Variants in CALN1 observed in about 807,000 individuals in gnomAD.
The protein encoded by CALN1 is calneuron 1, also known as calcium-binding protein 8.
A neutral mutation model predicts 30.6 loss-of-function variants in CALN1; 17 were observed. The ratio of observed to expected loss-of-function variants is 0.56; its 90% CI spans 0.38 to 0.83. The LOEUF is 0.83. CALN1 is among the 40% of genes least tolerant of loss of function. CALN1 has a pLI of 0.00. For missense variants in CALN1, 291 were observed against 354.9 expected (o/e 0.82, Z 1.45); for synonymous variants, 156 against 131.4 (o/e 1.19, Z -1.28).
intron 2 of CALN1, among the ~76,000 whole-genome samples, chr7:72,398,776 C>T (rs1806140517): frequency 6.6e-6 from 1 of 152,222 alleles, no homozygotes; most frequent in Non-Finnish European, 1.5e-5. Context: ...TTGCTCCAAC[C>T]AAAGTGGGTC....
chr7:72,055,502 CA>C (rs915803742), intron 4 of CALN1, among the ~76,000 whole-genome samples: 5 of 150,330 alleles, frequency 3.3e-5, no homozygotes, highest in African/African-American at 1.2e-4. Flanking sequence ...ATCATCGTTG[CA>C]AAAAAAAGAG....
Position 72,314,366 on chromosome 7 carries a change from C to T in CALN1, c.120-35556G>A, listed in dbSNP as rs11767905. Among the ~76,000 whole-genome samples, 21 of 81,842 alleles carry T rather than the reference C, an allele frequency of 2.6e-4. 1 individual carries two copies. The highest frequency in any genetic ancestry group is 5.5e-4 in the African/African-American group (20 of 36,430). 53.7% of individuals were successfully genotyped at this position (81,842 alleles called of 152,430 possible). On this transcript the variant is annotated intron_variant, in intron 2 of 6. Transcript: ENST00000395275. Reference sequence around the variant, plus strand: ...ATATATATACATATATATACATATACATATATACACATATATACACATATA... The same window carrying T: ...ATATATATACATATATATACATATATATATATACACATATATACACATATA...
intron 3 of CALN1, among the ~76,000 whole-genome samples, chr7:72,173,650 C>A (rs989810180): frequency 2.0e-5 from 3 of 152,024 alleles, no homozygotes; most frequent in African/African-American, 7.2e-5. Flanking sequence ...GGATATTTTA[C>A]AAAGGTGCTA....
At chr7:72,109,842 G>A (rs1807436667) in intron 3 of CALN1, among the ~76,000 whole-genome samples, 1 of 152,110 alleles carries the variant, frequency 6.6e-6, no homozygotes, top group Non-Finnish European at 1.5e-5. Context: ...GCAAGCTGGT[G>A]CAGCCTTCCC....
At chr7:72,195,866 AT>A (rs1313941483) in intron 3 of CALN1, among the ~76,000 whole-genome samples, 2 of 152,202 alleles carry the variant, frequency 1.3e-5, no homozygotes, top group African/African-American at 4.8e-5. Context: ...TAAACAAAAT[AT>A]TGGTATATCT....
chr7:72,500,269 CTTTTTTTTTTTTT>C, the CALN1 span, among the ~76,000 whole-genome samples: 35 of 51,394 alleles, frequency 6.8e-4, no homozygotes, highest in African/African-American at 1.8e-3. Flanking sequence ...TTCGTTCCTT[CTTTTTTTTTTTTT>C]TTTTTTTTTT....
chr7:71,837,450 G>A (rs1789689907), intron 5 of CALN1, among the ~76,000 whole-genome samples: 1 of 152,080 alleles, frequency 6.6e-6, no homozygotes, highest in Non-Finnish European at 1.5e-5. Flanking sequence ...ACCCTTCTGG[G>A]ACAATCCTTG....
intron 5 of CALN1, among the ~76,000 whole-genome samples, chr7:71,959,882 C>T (rs544754239): frequency 5.9e-5 from 9 of 152,112 alleles, no homozygotes; most frequent in African/African-American, 2.2e-4. Flanking sequence ...GCCTGTAATC[C>T]CAGCACTTTG....
At chr7:71,965,313 G>T (rs563503749) in intron 5 of CALN1, among the ~76,000 whole-genome samples, 8 of 152,140 alleles carry the variant, frequency 5.3e-5, no homozygotes, top group African/African-American at 4.8e-5. Flanking sequence ...TGACAGGTGT[G>T]AGCCACCATG....
At chr7:72,257,177 C>A (rs552497897) in intron 3 of CALN1, among the ~76,000 whole-genome samples, 1 of 152,276 alleles carries the variant, frequency 6.6e-6, no homozygotes. Context: ...CATCAAATCT[C>A]GTGAGAACTC....
At chr7:72,501,928 A>AAAATATATATATATATAT in the CALN1 span, among the ~76,000 whole-genome samples, 1 of 57,968 alleles carries the variant, frequency 1.7e-5, no homozygotes, top group Non-Finnish European at 3.1e-5. Context: ...AAAAAAAAAA[A>AAAATATATATATATATAT]ATATATATAT....
chr7:72,308,062 G>A (rs1042346694), intron 2 of CALN1, among the ~76,000 whole-genome samples: 6 of 152,060 alleles, frequency 3.9e-5, no homozygotes, highest in South Asian at 2.1e-4. Flanking sequence ...TAAACAAAAC[G>A]ACAGAAATCC....
intron 5 of CALN1, among the ~76,000 whole-genome samples, chr7:71,827,745 C>G (rs1169574509): frequency 2.0e-5 from 3 of 150,916 alleles, no homozygotes; most frequent in African/African-American, 7.3e-5. Context: ...GCACTCCAGC[C>G]TGGGTGACAG....
chr7:72,402,849 G>C (rs1302903367), intron 2 of CALN1, among the ~76,000 whole-genome samples: 1 of 152,138 alleles, frequency 6.6e-6, no homozygotes, highest in African/African-American at 2.4e-5. Flanking sequence ...CTGCCTGTTT[G>C]TGTTACTTTC....
At chr7:72,447,462 C>T (rs1808564266), upstream of CALN1, among the ~76,000 whole-genome samples, 2 of 152,138 alleles carry the variant, frequency 1.3e-5, no homozygotes, top group South Asian at 2.1e-4. Context: ...AGGTCCTGCT[C>T]GCTGTCTTCC....
chr7:72,072,760 T>C (rs1431917425), intron 4 of CALN1, among the ~76,000 whole-genome samples: 1 of 152,194 alleles, frequency 6.6e-6, no homozygotes, highest in African/African-American at 2.4e-5. Flanking sequence ...GACATCAACA[T>C]GTAAAAGTGG....
At position 71,779,840 on chromosome 7, in the gene CALN1, C is replaced by G. The variant is rs894710860; in HGVS notation, c.*7935G>C. 6.6e-6 allele frequency: 1 copy of G among 152,090 alleles called. No individual in the cohort carries two copies. Among genetic ancestry groups the G allele is most frequent in the African/African-American group, 2.4e-5 (1 of 41,400 alleles). The allele number at this position is 152,090 out of a possible 1,614,324, so 9.4% of individuals were successfully genotyped here. ...TGGGAAGATGGTGATTGATGAGTTC[C>G]GTCTTAGTGGCTTATTCTGGATATG... On this transcript the variant is annotated 3_prime_UTR_variant, in exon 7 of 7. Transcript: ENST00000395275.
intron 2 of CALN1, among the ~76,000 whole-genome samples, chr7:72,319,514 G>C (rs1800723064): frequency 1.3e-5 from 2 of 152,150 alleles, no homozygotes; most frequent in Non-Finnish European, 2.9e-5. Context: ...AATTCAAAAT[G>C]AGATTTGGGT....
chr7:72,093,026 C>T (rs1805980072), intron 4 of CALN1, among the ~76,000 whole-genome samples: 1 of 152,050 alleles, frequency 6.6e-6, no homozygotes, highest in Non-Finnish European at 1.5e-5. Context: ...ATATTTATTG[C>T]TGCAGCATAA....
Sources: allele counts gnomAD v4.1 joint callset (sites outside exome capture counted in the v4.1 genomes callset), GRCh38; gene constraint gnomAD v4.1.1; transcripts MANE v1.5; gene names NCBI Gene and HGNC (gene_info 2026-07-23, HGNC 2026-07-21).